Variants in COL21A1 observed in about 807,000 individuals in gnomAD.
The protein encoded by COL21A1 is collagen type XXI alpha 1 chain.
COL21A1 carries 149 observed loss-of-function variants against 137.9 expected under a neutral mutation model. That is an observed-to-expected ratio of 1.08 (90% CI 0.95 to 1.24). COL21A1 has a LOEUF of 1.24. Ranked by LOEUF, COL21A1 falls within the 50% of genes most tolerant of loss-of-function variation. COL21A1 has a pLI of 0.00. For missense variants in COL21A1, 1,167 were observed against 1,158.4 expected, an observed-to-expected ratio of 1.01 and a Z score of -0.11; for synonymous variants, 456 against 391.5, an observed-to-expected ratio of 1.16 and a Z score of -1.95.
chr6:56,248,626 A>G (rs1023152042), upstream of COL21A1, among the ~76,000 whole-genome samples: 17 of 152,240 alleles, frequency 1.1e-4, no homozygotes. Flanking sequence ...GGAATATACA[A>G]GGTGCTCAAT....
intron 1 of COL21A1, among the ~76,000 whole-genome samples, chr6:56,316,477 C>CTTTTTGTTTT (rs1764739190): frequency 1.3e-5 from 1 of 75,786 alleles, no homozygotes; most frequent in Non-Finnish European, 2.3e-5. Context: ...TCTAAATAGA[C>CTTTTTGTTTT]TTTTTTTTTT....
chr6:56,306,585 G>A lies in COL21A1; in HGVS notation c.-39+87386C>T, dbSNP rs906023854. On this transcript the variant is annotated intron_variant, in intron 1 of 28. Coordinates refer to the COL21A1 transcript ENST00000370819. The stretch of plus-strand genomic sequence containing the variant: ...GTGCCTTGGTTTTCAGCTCCATCAG[G>A]TCTTTTAAGGACTTTTCTGCATTGA... Among the ~76,000 whole-genome samples the A allele has an allele frequency of 3.3e-5, 5 of 152,004 alleles. No individual in the cohort carries two copies. The East Asian group carries it at 9.7e-4, about 29-fold the overall frequency.
chr6:56,171,443 C>T (rs909835504), intron 3 of COL21A1, among the ~76,000 whole-genome samples: 1 of 151,684 alleles, frequency 6.6e-6, no homozygotes, highest in Non-Finnish European at 1.5e-5. Flanking sequence ...CAATATGAGA[C>T]AATATAACAC....
intron 3 of COL21A1, among the ~76,000 whole-genome samples, chr6:56,174,069 T>C (rs1426164120): frequency 2.0e-5 from 3 of 152,062 alleles, no homozygotes; most frequent in Non-Finnish European, 4.4e-5. Flanking sequence ...AAAAATTAAA[T>C]AGCACACTTT....
intron 1 of COL21A1, among the ~76,000 whole-genome samples, chr6:56,241,087 A>T (rs936926543): frequency 2.0e-5 from 3 of 152,126 alleles, no homozygotes; most frequent in African/African-American, 7.2e-5. Flanking sequence ...TAAAACAATT[A>T]TCATGTTGCT....
intron 1 of COL21A1, among the ~76,000 whole-genome samples, chr6:56,224,957 T>C (rs770932006): frequency 2.6e-5 from 4 of 152,026 alleles, no homozygotes; most frequent in Non-Finnish European, 5.9e-5. Flanking sequence ...TTGAGCAAGA[T>C]ACCATGCATG....
intron 1 of COL21A1, among the ~76,000 whole-genome samples, chr6:56,217,239 A>T (rs920210881): frequency 6.6e-6 from 1 of 152,086 alleles, no homozygotes; most frequent in Non-Finnish European, 1.5e-5. Flanking sequence ...CTCTGTCTAA[A>T]CAACTGGACC....
At chr6:56,372,663 A>G (rs1281366204) in intron 1 of COL21A1, among the ~76,000 whole-genome samples, 3 of 152,178 alleles carry the variant, frequency 2.0e-5, no homozygotes, top group African/African-American at 7.2e-5. Flanking sequence ...GGGGGGAAAA[A>G]AGCTTCAGGA....
chr6:56,325,640 TATA>T (rs1431612442), intron 1 of COL21A1, among the ~76,000 whole-genome samples: 2,022 of 2,440 alleles, frequency 0.83, 970 homozygotes, highest in Middle Eastern at 1. Flanking sequence ...ATATATAATA[TATA>T]ATATAATATA....
chr6:56,077,577 A>G lies in COL21A1; in HGVS notation c.1813-4T>C. 6.5e-7 allele frequency: 1 copy of G among 1,536,566 alleles called. No homozygotes were observed. The highest frequency in any genetic ancestry group is 8.8e-7 in the Non-Finnish European group (1 of 1,130,908). Reference sequence around the variant, plus strand: ...TTCCAGGAAATCCTGGGATTCCCTAAAAACAAATAAAATAGATTTTTAACT... The same window carrying G: ...TTCCAGGAAATCCTGGGATTCCCTAGAAACAAATAAAATAGATTTTTAACT... On this transcript the variant is annotated splice_polypyrimidine_tract_variant and splice_region_variant and intron_variant, in intron 17 of 29. Coordinates refer to ENST00000244728, the MANE Select transcript of COL21A1 (RefSeq NM_030820.4).
intron 1 of COL21A1, among the ~76,000 whole-genome samples, chr6:56,358,150 G>A (rs961820069): frequency 6.6e-6 from 1 of 152,002 alleles, no homozygotes; most frequent in Admixed American, 6.6e-5. Flanking sequence ...AAATGATGAT[G>A]TGTCACTTTT....
chr6:56,256,760 A>G (rs1024095851), intron 1 of COL21A1, among the ~76,000 whole-genome samples: 6 of 152,070 alleles, frequency 3.9e-5, no homozygotes, highest in African/African-American at 1.4e-4. Flanking sequence ...GGTCACTGCT[A>G]TACTCTTCGC....
At chr6:56,260,239 G>T (rs1293844010) in intron 1 of COL21A1, among the ~76,000 whole-genome samples, 1 of 152,018 alleles carries the variant, frequency 6.6e-6, no homozygotes, top group Non-Finnish European at 1.5e-5. Flanking sequence ...GAAAGGCTTG[G>T]ATAAAAATAA....
intron 16 of COL21A1, among the ~76,000 whole-genome samples, chr6:56,122,010 T>C (rs1326851253): frequency 6.6e-6 from 1 of 151,710 alleles, no homozygotes; most frequent in African/African-American, 2.4e-5. Context: ...ATATCAAGAG[T>C]GAACTGACCT....
At chr6:56,158,105 C>T (rs1358908330) in intron 9 of COL21A1, among the ~76,000 whole-genome samples, 2 of 151,952 alleles carry the variant, frequency 1.3e-5, no homozygotes, top group Admixed American at 1.3e-4. Context: ...CTAAAAAATA[C>T]TAAAAAATAT....
chr6:56,074,408 A>G, intron 19 of COL21A1, 123 bp from the exon 20 acceptor site: 1 of 590,694 alleles, frequency 1.7e-6, no homozygotes. Flanking sequence ...ATCTGAAAAT[A>G]TAATACAATA....
intron 22 of COL21A1, among the ~76,000 whole-genome samples, chr6:56,068,153 C>A (rs964708189): frequency 6.6e-6 from 1 of 151,570 alleles, no homozygotes; most frequent in African/African-American, 2.4e-5. Context: ...ACACTTCTGT[C>A]TCAGCTAGTG....
At chr6:56,390,185 G>A (rs1205632911) in intron 1 of COL21A1, among the ~76,000 whole-genome samples, 2 of 133,156 alleles carry the variant, frequency 1.5e-5, no homozygotes, top group Non-Finnish European at 3.3e-5. Flanking sequence ...AGAGGTAGGA[G>A]ACAAAGTGCA....
intron 17 of COL21A1, among the ~76,000 whole-genome samples, chr6:56,093,595 C>G (rs973933635): frequency 2.0e-5 from 3 of 152,208 alleles, no homozygotes; most frequent in African/African-American, 4.8e-5. Context: ...CTAGGAATAC[C>G]CCTCTGGGCT....
Sources: gnomAD v4.1 joint callset for allele counts (sites outside exome capture counted in the v4.1 genomes callset) on GRCh38, gnomAD v4.1.1 for gene constraint, MANE v1.5 for transcripts, NCBI Gene and HGNC (gene_info 2026-07-23, HGNC 2026-07-21) for gene names.